The following SLC35F4 variants were observed in gnomAD, a reference collection of about 807,000 sequenced individuals.
The protein encoded by SLC35F4 is solute carrier family 35 member F4, also known as chromosome 14 open reading frame 36.
A neutral mutation model predicts 44.2 loss-of-function variants in SLC35F4; 24 were observed. The observed-to-expected ratio is 0.54, with a 90% CI of 0.39 to 0.76. The LOEUF is 0.76. SLC35F4 is among the 30% of genes least tolerant of loss of function. The pLI is 0.00. For missense variants in SLC35F4, 562 were observed against 586.1 expected, an observed-to-expected ratio of 0.96 and a Z score of 0.42; for synonymous variants, 238 against 223.6, an observed-to-expected ratio of 1.06 and a Z score of -0.57.
chr14:57,768,230 TAC>T (rs1173789611), intron 1 of SLC35F4, among the ~76,000 whole-genome samples: 2 of 152,198 alleles, frequency 1.3e-5, no homozygotes, highest in African/African-American at 4.8e-5. Flanking sequence ...TGGGTTTACC[TAC>T]ATCAAAATGC....
intron 1 of SLC35F4, among the ~76,000 whole-genome samples, chr14:57,880,377 C>T (rs928806967): frequency 1.3e-5 from 2 of 152,016 alleles, no homozygotes; most frequent in African/African-American, 2.4e-5. Flanking sequence ...CCAGTGGTCC[C>T]CTGGCTGTGT....
chr14:57,580,201 TCTAA>T (rs775106763), intron 4 of SLC35F4, among the ~76,000 whole-genome samples: 26 of 152,204 alleles, frequency 1.7e-4, no homozygotes, highest in African/African-American at 3.4e-4. Flanking sequence ...ATCAGAATTG[TCTAA>T]CTAACTGTTT....
chr14:57,921,877 T>C (rs1889451188), intron 1 of SLC35F4, among the ~76,000 whole-genome samples: 1 of 152,220 alleles, frequency 6.6e-6, no homozygotes, highest in Non-Finnish European at 1.5e-5. Flanking sequence ...CAATGTTATT[T>C]CAACAATTTA....
intron 1 of SLC35F4, among the ~76,000 whole-genome samples, chr14:57,713,668 G>A (rs1027831616): frequency 5.3e-5 from 8 of 152,178 alleles, no homozygotes; most frequent in Admixed American, 1.3e-4. Flanking sequence ...TACAAGAAGG[G>A]TAAGGAGGTT....
chr14:57,921,256 T>C (rs1889436795), intron 1 of SLC35F4, among the ~76,000 whole-genome samples: 1 of 152,060 alleles, frequency 6.6e-6, no homozygotes, highest in Non-Finnish European at 1.5e-5. Context: ...CAAGTCAATA[T>C]TGTGTACCAT....
chr14:57,673,858 C>A (rs892534181), intron 1 of SLC35F4, among the ~76,000 whole-genome samples: 1 of 151,948 alleles, frequency 6.6e-6, no homozygotes, highest in African/African-American at 2.4e-5. Flanking sequence ...TTATTGTACA[C>A]CACTAGCAAA....
intron 1 of SLC35F4, among the ~76,000 whole-genome samples, chr14:57,681,560 A>T (rs894692430): frequency 6.6e-6 from 1 of 152,112 alleles, no homozygotes; most frequent in Non-Finnish European, 1.5e-5. Flanking sequence ...CTAGAAGAAA[A>T]CCTAGGGCAT....
chr14:57,665,905 A>T (rs977600977), intron 1 of SLC35F4, among the ~76,000 whole-genome samples: 3 of 152,224 alleles, frequency 2.0e-5, no homozygotes, highest in Non-Finnish European at 4.4e-5. Context: ...ACATGTTCTC[A>T]CTTAGAAGTG....
chr14:57,719,944 CCTGT>C (rs2076043001), intron 1 of SLC35F4, among the ~76,000 whole-genome samples: 1 of 151,986 alleles, frequency 6.6e-6, no homozygotes, highest in African/African-American at 2.4e-5. Context: ...TAGCTGTGAG[CCTGT>C]CATATATGGT....
At position 57,768,538 on chromosome 14, in the gene SLC35F4, A is replaced by G. The variant is rs1466114403; in HGVS notation, c.103+97185T>C. 2.0e-5 allele frequency among the ~76,000 whole-genome samples: 3 copies of G among 152,232 alleles called. No individual in the cohort carries two copies. In the East Asian group the frequency reaches 5.8e-4, roughly 29 times the overall value. On this transcript the variant is annotated intron_variant, in intron 1 of 7. Transcript: ENST00000556826. Reference sequence around the variant, plus strand: ...GATCAGAAGTCCTCGTGGATTCACTAACCAAGCCTCCATGAACCGCTCCTA... The same window carrying G: ...GATCAGAAGTCCTCGTGGATTCACTGACCAAGCCTCCATGAACCGCTCCTA...
intron 1 of SLC35F4, among the ~76,000 whole-genome samples, chr14:57,671,382 G>A (rs1348578499): frequency 2.0e-5 from 3 of 151,820 alleles, no homozygotes; most frequent in African/African-American, 7.3e-5. Flanking sequence ...TTTCATCTAG[G>A]ATACCGCCTC....
chr14:57,621,427 G>A (rs543499030), intron 1 of SLC35F4, among the ~76,000 whole-genome samples: 2 of 152,002 alleles, frequency 1.3e-5, no homozygotes, highest in East Asian at 3.8e-4. Flanking sequence ...ACACTACAAG[G>A]CTACAGTAAC....
intron 1 of SLC35F4, among the ~76,000 whole-genome samples, chr14:57,620,053 A>C (rs1372880418): frequency 6.6e-6 from 1 of 152,196 alleles, no homozygotes; most frequent in Non-Finnish European, 1.5e-5. Flanking sequence ...GAAAAGACCA[A>C]ATGTGTGTTT....
chr14:57,761,192 T>C (rs1230374530), intron 1 of SLC35F4, among the ~76,000 whole-genome samples: 1 of 152,158 alleles, frequency 6.6e-6, no homozygotes, highest in Non-Finnish European at 1.5e-5. Flanking sequence ...AAAACAGCGG[T>C]TGCATATATT....
chr14:57,788,973 G>C (rs903311211), intron 1 of SLC35F4, among the ~76,000 whole-genome samples: 8 of 152,144 alleles, frequency 5.3e-5, no homozygotes, highest in Non-Finnish European at 1.2e-4. Context: ...TGAGAACAAA[G>C]ATAAAGTGTA....
At chr14:57,838,372 T>C (rs1361199275) in intron 1 of SLC35F4, among the ~76,000 whole-genome samples, 1 of 152,230 alleles carries the variant, frequency 6.6e-6, no homozygotes, top group Non-Finnish European at 1.5e-5. Context: ...GTGCTCAAAC[T>C]ATCTTCTAGT....
chr14:57,633,262 CT>C (rs1260880222), intron 1 of SLC35F4, among the ~76,000 whole-genome samples: 1 of 152,078 alleles, frequency 6.6e-6, no homozygotes, highest in Non-Finnish European at 1.5e-5. Flanking sequence ...AGTGAGATTA[CT>C]GGATTTTACA....
intron 1 of SLC35F4, among the ~76,000 whole-genome samples, chr14:57,632,745 G>C (rs1025035157): frequency 1.3e-5 from 2 of 152,020 alleles, no homozygotes; most frequent in African/African-American, 4.8e-5. Context: ...GCCCAGGCTG[G>C]AGTGCAGTGG....
intron 1 of SLC35F4, among the ~76,000 whole-genome samples, chr14:57,659,138 C>A (rs1241400972): frequency 6.6e-6 from 1 of 152,126 alleles, no homozygotes; most frequent in African/African-American, 2.4e-5. Flanking sequence ...GGGACTATTC[C>A]CCTGTTTAAT....
Sources: allele counts gnomAD v4.1 joint callset (sites outside exome capture counted in the v4.1 genomes callset), GRCh38; gene constraint gnomAD v4.1.1; transcripts MANE v1.5; gene names NCBI Gene and HGNC (gene_info 2026-07-23, HGNC 2026-07-21).